Variants in ZBTB20 observed in about 807,000 individuals in gnomAD.
ZBTB20 encodes the protein zinc finger and BTB domain-containing protein 20.
In ZBTB20, 9 loss-of-function variants were observed where a neutral mutation model predicts 56.9. The ratio of observed to expected loss-of-function variants is 0.16; its 90% CI spans 0.10 to 0.28. The LOEUF (loss-of-function observed/expected upper bound fraction) is 0.28. ZBTB20 is among the 10% of genes least tolerant of loss of function. The pLI is 1.00. For missense variants in ZBTB20, 655 were observed against 1,003.0 expected, an observed-to-expected ratio of 0.65 and a Z score of 4.69; for synonymous variants, 417 against 420.7, an observed-to-expected ratio of 0.99 and a Z score of 0.11.
At chr3:114,748,352 T>TCTTTTATC (rs374192570) in intron 5 of ZBTB20, among the ~76,000 whole-genome samples, 1 of 48,578 alleles carries the variant, frequency 2.1e-5, no homozygotes, top group Non-Finnish European at 4.7e-5. Context: ...TTTCTTTCTT[T>TCTTTTATC]TCTCTCTCTC....
At chr3:114,983,793 A>G (rs899218821) in intron 2 of ZBTB20, among the ~76,000 whole-genome samples, 2 of 152,068 alleles carry the variant, frequency 1.3e-5, no homozygotes, top group African/African-American at 4.8e-5. Flanking sequence ...ATTTTCAATT[A>G]TAGGTTTTAA....
intron 1 of ZBTB20, among the ~76,000 whole-genome samples, chr3:115,121,601 G>C (rs2084183835): frequency 6.6e-6 from 1 of 151,892 alleles, no homozygotes; most frequent in Non-Finnish European, 1.5e-5. Flanking sequence ...TGTCTATGGG[G>C]GAGGAGATTT....
At chr3:114,702,709 T>C (rs2063470267) in intron 5 of ZBTB20, among the ~76,000 whole-genome samples, 1 of 149,444 alleles carries the variant, frequency 6.7e-6, no homozygotes, top group Non-Finnish European at 1.5e-5. Flanking sequence ...ATAAAGGACT[T>C]TTACTATGTT....
chr3:114,452,683 T>C (rs2091700247), intron 7 of ZBTB20, among the ~76,000 whole-genome samples: 1 of 152,158 alleles, frequency 6.6e-6, no homozygotes, highest in Non-Finnish European at 1.5e-5. Context: ...GGAAAATGTA[T>C]ATATCTATAT....
At chr3:114,864,733 A>C (rs182513262) in intron 4 of ZBTB20, among the ~76,000 whole-genome samples, 1 of 152,244 alleles carries the variant, frequency 6.6e-6, no homozygotes, top group East Asian at 1.9e-4. Context: ...CAAATTTCTA[A>C]CTATGACTTC....
At chr3:114,944,716 A>C (rs1188852183) in intron 3 of ZBTB20, among the ~76,000 whole-genome samples, 1 of 145,802 alleles carries the variant, frequency 6.9e-6, no homozygotes, top group Non-Finnish European at 1.5e-5. Flanking sequence ...TGTTATGTGA[A>C]ATAAGGCAGA....
intron 6 of ZBTB20, among the ~76,000 whole-genome samples, chr3:114,688,917 A>G (rs1174635412): frequency 6.6e-6 from 1 of 152,192 alleles, no homozygotes; most frequent in Non-Finnish European, 1.5e-5. Flanking sequence ...CCAGTTCTCT[A>G]TGGAGCCTAG....
chr3:114,347,464 A>C (rs1382984373), intron 11 of ZBTB20, among the ~76,000 whole-genome samples: 1 of 152,046 alleles, frequency 6.6e-6, no homozygotes, highest in Non-Finnish European at 1.5e-5. Flanking sequence ...ATCTTTTTAT[A>C]CTAACATTTG....
At chr3:114,728,018 C>T (rs2065431995) in intron 5 of ZBTB20, among the ~76,000 whole-genome samples, 1 of 152,102 alleles carries the variant, frequency 6.6e-6, no homozygotes, top group Admixed American at 6.6e-5. Flanking sequence ...CTTGTGCTCC[C>T]TGGAAAATAC....
chr3:114,576,359 A>C (rs190327382), intron 6 of ZBTB20, among the ~76,000 whole-genome samples: 1 of 150,864 alleles, frequency 6.6e-6, no homozygotes, highest in Admixed American at 6.6e-5. Context: ...GAAATTAGCC[A>C]GGCGTGGTGG....
chr3:114,752,554 A>G (rs1364429291), intron 5 of ZBTB20, among the ~76,000 whole-genome samples: 1 of 152,216 alleles, frequency 6.6e-6, no homozygotes, highest in African/African-American at 2.4e-5. Context: ...TACTTTCTTT[A>G]AAAAATACTT....
intron 5 of ZBTB20, among the ~76,000 whole-genome samples, chr3:114,719,706 T>C (rs1189997052): frequency 6.6e-6 from 1 of 152,116 alleles, no homozygotes; most frequent in African/African-American, 2.4e-5. Flanking sequence ...GAACTACAAA[T>C]ATTGTTCTCT....
chr3:114,950,573 C>G (rs1283309496), intron 3 of ZBTB20, among the ~76,000 whole-genome samples: 2 of 152,242 alleles, frequency 1.3e-5, no homozygotes, highest in South Asian at 4.1e-4. Flanking sequence ...TGTGCTGCTA[C>G]TGATCATGTA....
intron 5 of ZBTB20, among the ~76,000 whole-genome samples, chr3:114,711,301 T>C (rs997057163): frequency 2.0e-5 from 3 of 152,224 alleles, no homozygotes; most frequent in Non-Finnish European, 2.9e-5. Context: ...ATTAGAACAA[T>C]GTCTGAAACA....
chr3:114,817,894 A>G (rs1010343754), intron 4 of ZBTB20, among the ~76,000 whole-genome samples: 1 of 152,188 alleles, frequency 6.6e-6, no homozygotes, highest in Non-Finnish European at 1.5e-5. Context: ...ATTATGCTAC[A>G]CTACACTAAG....
At chr3:114,395,526 G>C (rs777959533) in intron 7 of ZBTB20, among the ~76,000 whole-genome samples, 2 of 152,078 alleles carry the variant, frequency 1.3e-5, no homozygotes, top group Non-Finnish European at 2.9e-5. Flanking sequence ...AAGTCTATTT[G>C]ACTTTTAACT....
intron 5 of ZBTB20, among the ~76,000 whole-genome samples, chr3:114,734,480 T>A (rs2065988556): frequency 6.6e-6 from 1 of 152,062 alleles, no homozygotes. Context: ...CTTATTGCCA[T>A]CCATAGGTTC....
At chr3:114,551,560 T>C (rs183031137) in intron 6 of ZBTB20, among the ~76,000 whole-genome samples, 1 of 152,254 alleles carries the variant, frequency 6.6e-6, no homozygotes, top group Admixed American at 6.5e-5. Context: ...ATAGGTAATA[T>C]TTGATATATG....
intron 6 of ZBTB20, among the ~76,000 whole-genome samples, chr3:114,652,822 T>A (rs966596452): frequency 6.6e-6 from 1 of 151,980 alleles, no homozygotes; most frequent in Non-Finnish European, 1.5e-5. Context: ...AAATAACGGA[T>A]TTTTCTCTAA....
Sources: gnomAD v4.1 joint callset for allele counts (sites outside exome capture counted in the v4.1 genomes callset) on GRCh38, gnomAD v4.1.1 for gene constraint, MANE v1.5 for transcripts, NCBI Gene and HGNC (gene_info 2026-07-23, HGNC 2026-07-21) for gene names.